ABTB3: variants seen among roughly 807,000 people sequenced by gnomAD.
ABTB3 encodes ankyrin repeat and BTB domain containing 3.
At chr12:107,595,423 CT>C in the ABTB3 span, among the ~76,000 whole-genome samples, 1 of 152,142 alleles carries the variant, frequency 6.6e-6, no homozygotes, top group Non-Finnish European at 1.5e-5. Context: ...GGAAGCAGGC[CT>C]TGCTGGCTGC....
chr12:107,509,891 A>G, the ABTB3 span, among the ~76,000 whole-genome samples: 1 of 152,214 alleles, frequency 6.6e-6, no homozygotes, highest in Non-Finnish European at 1.5e-5. Context: ...GTGTTATTGA[A>G]TTCCTAAATC....
the ABTB3 span, among the ~76,000 whole-genome samples, chr12:107,436,338 A>C: frequency 6.6e-6 from 1 of 152,244 alleles, no homozygotes; most frequent in Non-Finnish European, 1.5e-5. Context: ...ATCAGGTGAC[A>C]GATGCCTAAG....
At chr12:107,395,458 C>T in the ABTB3 span, among the ~76,000 whole-genome samples, 1 of 152,204 alleles carries the variant, frequency 6.6e-6, no homozygotes. Flanking sequence ...CCCCTGGGCA[C>T]TCCCCTGTGC....
At chr12:107,578,083 G>A in the ABTB3 span, among the ~76,000 whole-genome samples, 7,313 of 151,456 alleles carry the variant, frequency 0.048, 561 homozygotes, top group African/African-American at 0.17. Context: ...CAGAGCCCTC[G>A]AATTCTTTCC....
At chr12:107,515,201 G>A in the ABTB3 span, among the ~76,000 whole-genome samples, 46 of 152,130 alleles carry the variant, frequency 3.0e-4, no homozygotes, top group African/African-American at 1.1e-3. Context: ...AGTCCCATTT[G>A]CTCAGGCCTC....
the ABTB3 span, among the ~76,000 whole-genome samples, chr12:107,430,295 T>TG: frequency 1.3e-5 from 2 of 152,256 alleles, no homozygotes; most frequent in Non-Finnish European, 2.9e-5. Context: ...AGCATCATGT[T>TG]GAATATTTTT....
At chr12:107,463,616 G>C in the ABTB3 span, among the ~76,000 whole-genome samples, 1 of 152,156 alleles carries the variant, frequency 6.6e-6, no homozygotes, top group Admixed American at 6.5e-5. Context: ...AGACTCCAAA[G>C]TTTGTCCCTA....
At chr12:107,614,016 C>T in the ABTB3 span, among the ~76,000 whole-genome samples, 9 of 152,128 alleles carry the variant, frequency 5.9e-5, no homozygotes, top group Non-Finnish European at 1.2e-4. Flanking sequence ...CAGACCCACG[C>T]AAGGGGTCCT....
At chr12:107,522,656 G>T in the ABTB3 span, among the ~76,000 whole-genome samples, 1 of 151,276 alleles carries the variant, frequency 6.6e-6, no homozygotes, top group African/African-American at 2.4e-5. Flanking sequence ...CAGGAATACT[G>T]CTTGGCATAT....
At chr12:107,463,629 C>T in the ABTB3 span, among the ~76,000 whole-genome samples, 1 of 152,138 alleles carries the variant, frequency 6.6e-6, no homozygotes, top group Admixed American at 6.5e-5. Context: ...TGTCCCTAAG[C>T]CACATAAACT....
the ABTB3 span, chr12:107,650,061 T>C: frequency 9.1e-6 from 1 of 109,720 alleles, no homozygotes; most frequent in South Asian, 2.8e-4. Context: ...ATCTGACGTC[T>C]GGGGGGTACC....
chr12:107,476,636 A>G, the ABTB3 span, among the ~76,000 whole-genome samples: 4 of 152,164 alleles, frequency 2.6e-5, no homozygotes, highest in South Asian at 8.3e-4. Context: ...AATGAAGATG[A>G]TCAAGATAGG....
At chr12:107,527,938 A>C in the ABTB3 span, among the ~76,000 whole-genome samples, 1 of 152,152 alleles carries the variant, frequency 6.6e-6, no homozygotes, top group Admixed American at 6.5e-5. Flanking sequence ...AAGTGACTTG[A>C]TCACTCTGAT....
the ABTB3 span, among the ~76,000 whole-genome samples, chr12:107,394,178 G>A: frequency 3.1e-4 from 47 of 152,230 alleles, no homozygotes; most frequent in East Asian, 5.4e-3. Context: ...ATCATCTTGC[G>A]TGATTCTTCC....
At chr12:107,439,614 C>T in the ABTB3 span, among the ~76,000 whole-genome samples, 1 of 152,316 alleles carries the variant, frequency 6.6e-6, no homozygotes, top group African/African-American at 2.4e-5. Context: ...CAGAGACCTC[C>T]TCCCTGTCCC....
At chr12:107,620,803 C>A in the ABTB3 span, among the ~76,000 whole-genome samples, 1 of 152,194 alleles carries the variant, frequency 6.6e-6, no homozygotes, top group Admixed American at 6.5e-5. Context: ...TAACAGCAGG[C>A]CAGCCTTTCG....
chr12:107,357,972 C>A, the ABTB3 span, among the ~76,000 whole-genome samples: 7 of 152,186 alleles, frequency 4.6e-5, no homozygotes, highest in African/African-American at 7.2e-5. Context: ...TCCTTCCTTC[C>A]TTCCTCCTCC....
At chr12:107,324,997 C>G in the ABTB3 span, among the ~76,000 whole-genome samples, 1 of 152,260 alleles carries the variant, frequency 6.6e-6, no homozygotes, top group South Asian at 2.1e-4. Flanking sequence ...CCAAACCGAA[C>G]GCAATGGGCG....
the ABTB3 span, chr12:107,658,496 T>C: frequency 6.6e-6 from 1 of 152,656 alleles, no homozygotes; most frequent in Admixed American, 6.5e-5. Flanking sequence ...AATTCAATAG[T>C]TGAAAGCAAC....
Sources: allele counts gnomAD v4.1 joint callset (sites outside exome capture counted in the v4.1 genomes callset), GRCh38; gene constraint gnomAD v4.1.1; transcripts MANE v1.5; gene names NCBI Gene and HGNC (gene_info 2026-07-23, HGNC 2026-07-21).